Variants in DEFA1 observed in about 807,000 individuals in gnomAD.
DEFA1 encodes defensin alpha 1.
At chr8:6,979,983 A>C (rs1402060481) in intron 1 of DEFA1, 30 bp downstream of exon 1, 1 of 45,918 alleles carries the variant, frequency 2.2e-5, no homozygotes, top group Non-Finnish European at 4.1e-5. Context: ...ATGAAAACTC[A>C]GTGTAAAGTT....
At chr8:6,979,873 AC>A (rs1248968126) in intron 1 of DEFA1, 139 bp downstream of exon 1, 1 of 117,526 alleles carries the variant, frequency 8.5e-6, no homozygotes, top group Admixed American at 9.4e-5. Flanking sequence ...CCCAGCAGTC[AC>A]CAGAGGTCCG....
At position 6,979,721 on chromosome 8, in the gene DEFA1, G is replaced by T. The variant is rs1367312000; in HGVS notation, c.-13+292C>A. ...ACAACCTGATTGAAAAACAGACCAA[G>T]GACCTAAATAGGTTTCTCTCAAAAG... is the stretch of plus-strand genomic sequence containing the variant. On this transcript the variant is annotated intron_variant, in intron 1 of 2. Transcript: ENST00000382692. 1.3e-3 allele frequency among the ~76,000 whole-genome samples: 167 copies of T among 127,508 alleles called. 2 individuals carry two copies. In the East Asian group the frequency reaches 0.039, roughly 30 times the overall value. 83.7% of individuals were successfully genotyped at this position (127,508 alleles called of 152,430 possible). A position where few individuals can be genotyped will look rare whatever the true frequency, so the allele number is the denominator to read the frequency against.
At chr8:6,979,908 C>T (rs1162436586) in intron 1 of DEFA1, 105 bp downstream of exon 1, 1 of 30,634 alleles carries the variant, frequency 3.3e-5, no homozygotes, top group African/African-American at 1.4e-4. Context: ...AGCAGGGATT[C>T]GCCCGCTGGT....
At chr8:6,979,744 A>G (rs553572871) in intron 1 of DEFA1, among the ~76,000 whole-genome samples, 1 of 136,444 alleles carries the variant, frequency 7.3e-6, no homozygotes, top group Non-Finnish European at 1.6e-5. Context: ...TTTCTCTCAA[A>G]AGAATGTTCC....
intron 1 of DEFA1, among the ~76,000 whole-genome samples, chr8:6,979,721 G>A (rs1367312000): frequency 7.8e-6 from 1 of 127,444 alleles, no homozygotes; most frequent in African/African-American, 2.9e-5. Flanking sequence ...AACAGACCAA[G>A]GACCTAAATA....
At position 6,979,809 on chromosome 8, in the gene DEFA1, G is replaced by T. The variant is rs58955451; in HGVS notation, c.-13+204C>A. Among the ~76,000 whole-genome samples, 58 of 139,518 alleles carry T rather than the reference G, an allele frequency of 4.2e-4. 2 individuals are homozygous for T. Among genetic ancestry groups the T allele is most frequent in the African/African-American group, 1.4e-3 (53 of 37,846 alleles). The allele number at this position is 139,518 out of a possible 152,430, so 91.5% of individuals were successfully genotyped here. On this transcript the variant is annotated intron_variant, in intron 1 of 2. Coordinates refer to ENST00000382692, the MANE Select transcript of DEFA1 (RefSeq NM_004084.4). The stretch of plus-strand genomic sequence containing the variant: ...GTCAACCAGGACATGTGACATGTGT[G>T]TTTAGAAGGAAACTGCTTGAGTTTC...
chr8:6,979,364 C>T (rs757057160), intron 1 of DEFA1, among the ~76,000 whole-genome samples: 167 of 2,144 alleles, frequency 0.078, no homozygotes, highest in Non-Finnish European at 0.12. Context: ...CTTTATCTCA[C>T]ACCATGTAGA....
rs1433463310 is a variant in DEFA1, at chr8:6,980,045, G to A, written c.-45C>T. Reference sequence around the variant, plus strand: ...CTAGCTAGGCAGGGTGACCAGAGAGGGCAGACAGCAGTCCTCTGTCCCAGG... The same window carrying A: ...CTAGCTAGGCAGGGTGACCAGAGAGAGCAGACAGCAGTCCTCTGTCCCAGG... On this transcript the variant is annotated 5_prime_UTR_variant, in exon 1 of 3. Coordinates refer to ENST00000382692, the MANE Select transcript of DEFA1 (RefSeq NM_004084.4). The A allele has an allele frequency of 1.3e-4, 11 of 82,602 alleles. No homozygotes were observed. Among genetic ancestry groups the A allele is most frequent in the African/African-American group, 5.8e-4 (11 of 19,040 alleles). 5.1% of individuals were successfully genotyped at this position (82,602 alleles called of 1,614,324 possible). A position where few individuals can be genotyped will look rare whatever the true frequency, so the allele number is the denominator to read the frequency against.
chr8:6,979,745 AGAATGTT>A lies in DEFA1; in HGVS notation c.-13+261_-13+267del, dbSNP rs2117424949. Among the ~76,000 whole-genome samples, 3 of 136,742 alleles carry A rather than the reference AGAATGTT, an allele frequency of 2.2e-5. No individual in the cohort carries two copies. The South Asian group carries it at 7.4e-4, about 34-fold the overall frequency. 89.7% of individuals were successfully genotyped at this position (136,742 alleles called of 152,430 possible). A position where few individuals can be genotyped will look rare whatever the true frequency, so the allele number is the denominator to read the frequency against. ...AGGACCTAAATAGGTTTCTCTCAAAAGAATGTTCCAAAGACCTGTGATAGTCTCTACT... is the reference window on the plus strand; with the variant it reads ...AGGACCTAAATAGGTTTCTCTCAAAACCAAAGACCTGTGATAGTCTCTACT... On this transcript the variant is annotated intron_variant, in intron 1 of 2. Coordinates refer to ENST00000382692, the MANE Select transcript of DEFA1 (RefSeq NM_004084.4).
At chr8:6,979,738 T>C (rs1295138095) in intron 1 of DEFA1, among the ~76,000 whole-genome samples, 1 of 134,794 alleles carries the variant, frequency 7.4e-6, no homozygotes, top group Non-Finnish European at 1.6e-5. Context: ...AATAGGTTTC[T>C]CTCAAAAGAA....
At chr8:6,979,547 C>T (rs1175746072) in intron 1 of DEFA1, among the ~76,000 whole-genome samples, 12 of 56,752 alleles carry the variant, frequency 2.1e-4, no homozygotes, top group African/African-American at 6.5e-4. Context: ...CTTCATTTAA[C>T]GCTAAAGCAT....
At chr8:6,979,750 G>A (rs200245128) in intron 1 of DEFA1, among the ~76,000 whole-genome samples, 8,324 of 134,954 alleles carry the variant, frequency 0.062, 34 homozygotes, top group East Asian at 0.097. Flanking sequence ...TCAAAAGAAT[G>A]TTCCAAAGAC....
chr8:6,980,038 C>T lies in DEFA1; in HGVS notation c.-38G>A, dbSNP rs1355648534. 3.7e-5 allele frequency: 3 copies of T among 80,568 alleles called. No homozygotes were observed. In the South Asian group the frequency reaches 1.4e-3, roughly 38 times the overall value. 5.0% of individuals were successfully genotyped at this position (80,568 alleles called of 1,614,324 possible). On this transcript the variant is annotated 5_prime_UTR_variant, in exon 1 of 3. Coordinates refer to ENST00000382692, the MANE Select transcript of DEFA1 (RefSeq NM_004084.4). Reference sequence around the variant, plus strand: ...AGATCCTCTAGCTAGGCAGGGTGACCAGAGAGGGCAGACAGCAGTCCTCTG... The same window carrying T: ...AGATCCTCTAGCTAGGCAGGGTGACTAGAGAGGGCAGACAGCAGTCCTCTG...
chr8:6,979,811 T>G (rs1182299725), intron 1 of DEFA1, among the ~76,000 whole-genome samples: 1 of 140,028 alleles, frequency 7.1e-6, no homozygotes, highest in African/African-American at 2.6e-5. Flanking sequence ...ACATGTGTGT[T>G]TAGAAGGAAA....
chr8:6,979,314 G>A (rs1380916810), intron 1 of DEFA1, among the ~76,000 whole-genome samples: 2 of 572 alleles, frequency 3.5e-3, no homozygotes, highest in Admixed American at 0.018. Flanking sequence ...TATTTATAGT[G>A]TACACTACCT....
chr8:6,979,480 T>A (rs1482831097), intron 1 of DEFA1, among the ~76,000 whole-genome samples: 1 of 32,252 alleles, frequency 3.1e-5, no homozygotes, highest in African/African-American at 1.4e-4. Context: ...TAGGTAATGA[T>A]TTCTTGGCTA....
In DEFA1 at chr8:6,979,994, T is replaced by C. The variant is rs1810332276; in HGVS notation, c.-13+19A>G. 1.8e-5 allele frequency: 1 copy of C among 54,480 alleles called. No individual in the cohort carries two copies. Among genetic ancestry groups the C allele is most frequent in the African/African-American group, 8.1e-5 (1 of 12,334 alleles). The allele number at this position is 54,480 out of a possible 1,614,324, so 3.4% of individuals were successfully genotyped here. On this transcript the variant is annotated intron_variant, in intron 1 of 2. Coordinates refer to ENST00000382692, the MANE Select transcript of DEFA1 (RefSeq NM_004084.4). ...AATAATGAAAACTCAGTGTAAAGTT[T>C]AAGTTTTGTAGTACTTACAGATCCT...
chr8:6,979,809 G>A (rs58955451), intron 1 of DEFA1, among the ~76,000 whole-genome samples: 107,859 of 132,424 alleles, frequency 0.81, 44,692 homozygotes, highest in East Asian at 0.9. Flanking sequence ...TGACATGTGT[G>A]TTTAGAAGGA....
chr8:6,979,761 CTG>C (rs1186114948), intron 1 of DEFA1, among the ~76,000 whole-genome samples: 1 of 139,330 alleles, frequency 7.2e-6, no homozygotes, highest in Admixed American at 7.6e-5. Flanking sequence ...TTCCAAAGAC[CTG>C]TGATAGTCTC....
Sources: gnomAD v4.1 joint callset for allele counts (sites outside exome capture counted in the v4.1 genomes callset) on GRCh38, gnomAD v4.1.1 for gene constraint, MANE v1.5 for transcripts, NCBI Gene and HGNC (gene_info 2026-07-23, HGNC 2026-07-21) for gene names.